The following NOD1 variants were observed in gnomAD, a reference collection of about 807,000 sequenced individuals.
The protein encoded by NOD1 is nucleotide-binding oligomerization domain-containing protein 1.
In NOD1, 70 loss-of-function variants were observed where a neutral mutation model predicts 81.2. That is an observed-to-expected ratio of 0.86 (90% CI 0.71 to 1.05). The LOEUF is 1.05. NOD1 is among the 50% of genes least tolerant of loss of function. The probability of loss-of-function intolerance (pLI) is 0.00; values close to 1 mark genes in which losing one functional copy is unlikely to be tolerated. For synonymous variants in NOD1, 508 were observed against 526.9 expected (o/e 0.96, Z 0.49); for missense variants, 1,233 against 1,228.0 (o/e 1.00, Z -0.06).
intron 1 of NOD1, among the ~76,000 whole-genome samples, chr7:30,468,199 A>G (rs1379729380): frequency 6.6e-6 from 1 of 152,238 alleles, no homozygotes; most frequent in Admixed American, 6.5e-5. Context: ...GAAATGCTCA[A>G]TGGTTGCCAA....
chr7:30,451,699 G>A lies in NOD1; in HGVS notation c.1718C>T (p.Pro573Leu), dbSNP rs556748319. 67 of 1,613,738 alleles carry A rather than the reference G, an allele frequency of 4.2e-5. No individual in the cohort carries two copies. The highest frequency in any genetic ancestry group is 8.3e-5 in the Admixed American group (5 of 60,002). The part of the protein sequence containing the change: ...LPFQCLQGSG[P>L]AREDLFKNKD... ...GTTCTTGAAGAGGTCTTCCCGCGCCGGACCACTGCCCTGCAGGCACTGGAA... is the reference window on the plus strand; with the variant it reads ...GTTCTTGAAGAGGTCTTCCCGCGCCAGACCACTGCCCTGCAGGCACTGGAA... Residue 573 changes from proline (P) to leucine (L), a missense_variant, in exon 6 of 14, where the codon CCG becomes CTG. Coordinates refer to ENST00000222823, the MANE Select transcript of NOD1 (RefSeq NM_006092.4). This position sits in a 1 kb window ranked among gnomAD's most constrained non-coding sequence, Gnocchi z 4.2.
At chr7:30,457,953 C>T (rs1275124226) in intron 3 of NOD1, among the ~76,000 whole-genome samples, 1 of 152,100 alleles carries the variant, frequency 6.6e-6, no homozygotes, top group Admixed American at 6.5e-5. Flanking sequence ...AAAGCAATAG[C>T]CCATGTGGCA....
rs200594250 is a variant in NOD1, at chr7:30,451,505, C to T, written c.1912G>A (p.Val638Ile). The T allele has an allele frequency of 2.9e-5, 46 of 1,613,116 alleles. No homozygotes were observed. The East Asian group carries it at 5.8e-4, about 20-fold the overall frequency. The change falls in exon 6 of 14, where the codon GTT becomes ATT. Residue 638 changes from valine (V) to isoleucine (I), a missense_variant. Val to Ile is a conservative substitution (Grantham distance 29). Coordinates refer to ENST00000222823, the MANE Select transcript of NOD1 (RefSeq NM_006092.4). This position sits in a 1 kb window ranked among gnomAD's most constrained non-coding sequence, Gnocchi z 4.2. ...ACCTGGTTGAAGCTTTCGACCTGAA[C>T]GCGGGGCAGGCTCTTCAGGTAGCCC... ...LRGYLKSLPR[V>I]QVESFNQVQA...
At position 30,452,754 on chromosome 7, in the gene NOD1, C is replaced by T. The variant is rs767708302; in HGVS notation, c.663G>A (p.Thr221=). ...LLQRLQSLWA[T]GRLDAGVKFF... The stretch of plus-strand genomic sequence containing the variant: ...ATTTGACCCCTGCGTCTAGCCGGCC[C>T]GTGGCCCAGAGGCTCTGCAGCCGCT... The change falls in exon 6 of 14, where the codon ACG becomes ACA. Residue 221 remains threonine, a synonymous_variant. Coordinates refer to ENST00000222823, the MANE Select transcript of NOD1 (RefSeq NM_006092.4). 15 of 1,614,090 alleles carry T rather than the reference C, an allele frequency of 9.3e-6. No individual in the cohort carries two copies. Among genetic ancestry groups the T allele is most frequent in the African/African-American group, 4.0e-5 (3 of 75,074 alleles).
chr7:30,452,777 G>A lies in NOD1; in HGVS notation c.640C>T (p.Arg214Trp), dbSNP rs543753171. Residue 214 changes from arginine to tryptophan, a missense_variant, in exon 6 of 14, where the codon CGG becomes TGG. Physicochemically the swap from Arg to Trp is moderately radical, Grantham distance 101. Coordinates refer to ENST00000222823, the MANE Select transcript of NOD1 (RefSeq NM_006092.4). ...CCCGTGGCCCAGAGGCTCTGCAGCCGCTGTAGCAGCATGGACTTGCCCACC... is the reference window on the plus strand; with the variant it reads ...CCCGTGGCCCAGAGGCTCTGCAGCCACTGTAGCAGCATGGACTTGCCCACC... Reference protein sequence around the residue: ...AGVGKSMLLQRLQSLWATGRL... With the variant: ...AGVGKSMLLQWLQSLWATGRL... 1.4e-5 allele frequency: 22 copies of A among 1,614,094 alleles called. No homozygotes were observed. Among genetic ancestry groups the A allele is most frequent in the South Asian group, 1.1e-4 (10 of 91,084 alleles).
intron 13 of NOD1, chr7:30,428,439 T>TA (rs1224196109): frequency 6.6e-6 from 1 of 152,190 alleles, no homozygotes; most frequent in Non-Finnish European, 1.5e-5. Context: ...AACCAACACT[T>TA]ATGCAAACAC....
chr7:30,463,178 C>T (rs915276664), intron 1 of NOD1, among the ~76,000 whole-genome samples: 17 of 152,138 alleles, frequency 1.1e-4, no homozygotes, highest in East Asian at 3.9e-4. Flanking sequence ...TATGAATATA[C>T]ATATAGATAC....
chr7:30,475,795 T>C (rs1399847786), intron 1 of NOD1: 3 of 152,232 alleles, frequency 2.0e-5, no homozygotes, highest in Non-Finnish European at 4.4e-5. Context: ...CTGAATGAAC[T>C]TTCTAGCGTG....
At chr7:30,431,983 T>C (rs112732239) in intron 12 of NOD1, among the ~76,000 whole-genome samples, 6,779 of 152,076 alleles carry the variant, frequency 0.045, 209 homozygotes, top group Middle Eastern at 0.11. Flanking sequence ...CTGATGCCTG[T>C]AATCCCAACT....
Position 30,455,171 on chromosome 7 carries a change from G to A in NOD1, c.342C>T (p.Leu114=). ...LLEIGFSPSL[L]TQSKVVVNTD... is the part of the protein sequence containing the mutation. ...TGTTGACCACGACTTTGCTCTGAGT[G>A]AGCAGGGAAGGGGAGAAGCCGATCT... is the stretch of plus-strand genomic sequence containing the variant. Residue 114 remains leucine, a synonymous_variant, in exon 5 of 14, where the codon CTC becomes CTT. Transcript: ENST00000222823. The A allele has an allele frequency of 6.2e-7, 1 of 1,614,092 alleles. No homozygotes were observed. Among genetic ancestry groups the A allele is most frequent in the Non-Finnish European group, 8.5e-7 (1 of 1,180,042 alleles).
intron 5 of NOD1, among the ~76,000 whole-genome samples, chr7:30,453,631 G>A (rs1210058964): frequency 6.6e-6 from 1 of 152,112 alleles, no homozygotes; most frequent in African/African-American, 2.4e-5. Flanking sequence ...TGTTGCCCAG[G>A]CTGGTCTCAA....
chr7:30,465,270 C>T (rs563305486), intron 1 of NOD1, among the ~76,000 whole-genome samples: 1 of 152,270 alleles, frequency 6.6e-6, no homozygotes, highest in South Asian at 2.1e-4. Context: ...ATGCTGAGTC[C>T]CAAAAACCCA....
intron 1 of NOD1, among the ~76,000 whole-genome samples, chr7:30,462,874 G>A (rs531866340): frequency 2.0e-5 from 3 of 151,884 alleles, no homozygotes; most frequent in Non-Finnish European, 4.4e-5. Flanking sequence ...GGTTGAATCC[G>A]GGAGGCGGAG....
intron 5 of NOD1, among the ~76,000 whole-genome samples, chr7:30,454,029 T>C (rs1357115922): frequency 1.3e-5 from 2 of 152,192 alleles, no homozygotes; most frequent in African/African-American, 4.8e-5. Flanking sequence ...TCTTTTTTTT[T>C]CATGGGGGAA....
chr7:30,439,037 C>A (rs79897281), intron 9 of NOD1, among the ~76,000 whole-genome samples: 2 of 152,158 alleles, frequency 1.3e-5, no homozygotes, highest in Middle Eastern at 3.2e-3. Flanking sequence ...CACAATGAGA[C>A]AGGACCTCAC....
intron 12 of NOD1, among the ~76,000 whole-genome samples, chr7:30,431,324 G>A (rs546657872): frequency 6.6e-6 from 1 of 152,218 alleles, no homozygotes; most frequent in Non-Finnish European, 1.5e-5. Flanking sequence ...GAATTCATAA[G>A]AAATGCAAAG....
chr7:30,460,746 C>A (rs921720319), intron 1 of NOD1: 1 of 910,784 alleles, frequency 1.1e-6, no homozygotes, highest in Admixed American at 6.2e-5. Context: ...GGGGGTTGCA[C>A]AGGCATTTCC....
rs1340379692 is a variant in NOD1, at chr7:30,425,489, A to G, written c.*149T>C. ...AGTTTGCCGACCAGACCTTCTGCACAGGAAGCTGGCTTGCATCATGGAGGC... is the reference window on the plus strand; with the variant it reads ...AGTTTGCCGACCAGACCTTCTGCACGGGAAGCTGGCTTGCATCATGGAGGC... On this transcript the variant is annotated 3_prime_UTR_variant, in exon 14 of 14. Coordinates refer to ENST00000222823, the MANE Select transcript of NOD1 (RefSeq NM_006092.4). 1 of 659,430 alleles carries G rather than the reference A, an allele frequency of 1.5e-6. No individual in the cohort carries two copies. The highest frequency in any genetic ancestry group is 1.8e-5 in the South Asian group (1 of 55,796). The allele number at this position is 659,430 out of a possible 1,614,324, so 40.8% of individuals were successfully genotyped here.
intron 9 of NOD1, among the ~76,000 whole-genome samples, chr7:30,439,335 TCTGAGGTACCGGGTTCATC>T (rs1784671518): frequency 6.9e-6 from 1 of 145,758 alleles, no homozygotes; most frequent in African/African-American, 2.7e-5. Flanking sequence ...TGCATTTCCA[TCTGAGGTACCGGGTTCATC>T]TCACTAGGGA....
Sources: allele counts gnomAD v4.1 joint callset (sites outside exome capture counted in the v4.1 genomes callset), GRCh38; gene constraint gnomAD v4.1.1; non-coding constraint Gnocchi (gnomAD v3.1); transcripts MANE v1.5; gene names NCBI Gene and HGNC (gene_info 2026-07-23, HGNC 2026-07-21).